SH3BGRL2: variants seen among roughly 807,000 people sequenced by gnomAD.
SH3BGRL2 encodes SH3 domain-binding glutamic acid-rich-like protein 2.
SH3BGRL2 carries 21 observed loss-of-function variants against 14.8 expected under a neutral mutation model. That is an observed-to-expected ratio of 1.42 (90% CI 1.01 to 2.05). The LOEUF is 2.05. Among genes scored for constraint, SH3BGRL2 ranks in the 30% most tolerant of loss-of-function variants. The pLI, the probability that SH3BGRL2 is intolerant of heterozygous loss-of-function variation, is 0.00. For synonymous variants in SH3BGRL2, 50 were observed against 47.8 expected (o/e 1.05, Z -0.19); for missense variants, 147 against 130.8 (o/e 1.12, Z -0.61).
chr6:79,650,339 A>G (rs1365603292), intron 1 of SH3BGRL2, among the ~76,000 whole-genome samples: 1 of 152,162 alleles, frequency 6.6e-6, no homozygotes, highest in Non-Finnish European at 1.5e-5. Flanking sequence ...TCAGTAGCCC[A>G]AGGAGGGAGG....
chr6:79,618,704 A>C, the SH3BGRL2 span, among the ~76,000 whole-genome samples: 4 of 151,836 alleles, frequency 2.6e-5, no homozygotes, highest in Non-Finnish European at 4.4e-5. Context: ...GGATCACTTG[A>C]AGTCAAGAGT....
intron 1 of SH3BGRL2, among the ~76,000 whole-genome samples, chr6:79,651,144 T>C (rs1395080817): frequency 6.6e-6 from 1 of 152,116 alleles, no homozygotes; most frequent in Non-Finnish European, 1.5e-5. Context: ...CTACGCACAT[T>C]GATAAGGACA....
At chr6:79,662,775 A>G (rs1168137488) in intron 1 of SH3BGRL2, among the ~76,000 whole-genome samples, 1 of 152,318 alleles carries the variant, frequency 6.6e-6, no homozygotes, top group East Asian at 1.9e-4. Context: ...CATCACTTTC[A>G]GGTACACCAA....
the SH3BGRL2 span, among the ~76,000 whole-genome samples, chr6:79,593,876 A>G: frequency 6.6e-6 from 1 of 152,178 alleles, no homozygotes; most frequent in South Asian, 2.1e-4. Context: ...ATGACAGCAA[A>G]CAGTGACAAG....
the SH3BGRL2 span, among the ~76,000 whole-genome samples, chr6:79,559,343 G>C: frequency 1.3e-5 from 2 of 152,066 alleles, no homozygotes; most frequent in African/African-American, 4.8e-5. Flanking sequence ...GGTGGTTGGT[G>C]AGACAGGTGG....
the SH3BGRL2 span, among the ~76,000 whole-genome samples, chr6:79,544,553 C>T: frequency 2.6e-5 from 4 of 152,206 alleles, no homozygotes; most frequent in Admixed American, 6.5e-5. Context: ...ATAGCTTCCC[C>T]AGAGCCACTG....
the SH3BGRL2 span, among the ~76,000 whole-genome samples, chr6:79,598,802 G>A: frequency 6.6e-6 from 1 of 150,412 alleles, no homozygotes; most frequent in Non-Finnish European, 1.5e-5. Flanking sequence ...CTCAACCTCG[G>A]CTGGGCGCGG....
At chr6:79,643,164 G>A (rs1769063960) in intron 1 of SH3BGRL2, among the ~76,000 whole-genome samples, 1 of 152,180 alleles carries the variant, frequency 6.6e-6, no homozygotes, top group South Asian at 2.1e-4. Context: ...TCATTTTACA[G>A]ATGAGAGTGT....
chr6:79,641,586 G>A (rs1297198372), intron 1 of SH3BGRL2, among the ~76,000 whole-genome samples: 1 of 152,146 alleles, frequency 6.6e-6, no homozygotes. Flanking sequence ...TTGTGTAAGT[G>A]GGATAGGAAT....
the SH3BGRL2 span, among the ~76,000 whole-genome samples, chr6:79,584,233 G>A: frequency 6.6e-6 from 1 of 152,046 alleles, no homozygotes; most frequent in African/African-American, 2.4e-5. Flanking sequence ...TATTGCTGTA[G>A]AGTAGTCAAA....
At chr6:79,554,706 G>T in the SH3BGRL2 span, among the ~76,000 whole-genome samples, 2 of 152,216 alleles carry the variant, frequency 1.3e-5, no homozygotes, top group Non-Finnish European at 2.9e-5. Context: ...TCAGGGGTCA[G>T]AGACCTGGGT....
Position 79,631,426 on chromosome 6 carries a change from G to C in SH3BGRL2, c.-36G>C. 1 of 1,501,348 alleles carries C rather than the reference G, an allele frequency of 6.7e-7. No individual in the cohort carries two copies. Among genetic ancestry groups the C allele is most frequent in the Non-Finnish European group, 8.9e-7 (1 of 1,123,464 alleles). The allele number at this position is 1,501,348 out of a possible 1,614,324, so 93.0% of individuals were successfully genotyped here. A position where few individuals can be genotyped will look rare whatever the true frequency, so the allele number is the denominator to read the frequency against. Reference sequence around the variant, plus strand: ...CTGCGTCCACGCCAGCCCGGAGCCCGGGGGGCAAGGGGTCTGTCCCGGGCG... The same window carrying C: ...CTGCGTCCACGCCAGCCCGGAGCCCCGGGGGCAAGGGGTCTGTCCCGGGCG... On this transcript the variant is annotated 5_prime_UTR_variant, in exon 1 of 4. Coordinates refer to ENST00000369838, the MANE Select transcript of SH3BGRL2 (RefSeq NM_031469.4).
the SH3BGRL2 span, among the ~76,000 whole-genome samples, chr6:79,553,636 T>G: frequency 6.6e-6 from 1 of 151,344 alleles, no homozygotes; most frequent in East Asian, 1.9e-4. Context: ...TTTTCCTCCT[T>G]TCTGTGAAGT....
chr6:79,678,684 G>A (rs1431509058), intron 2 of SH3BGRL2, among the ~76,000 whole-genome samples: 12 of 152,150 alleles, frequency 7.9e-5, no homozygotes, highest in Admixed American at 7.9e-4. Context: ...GATACAGGGA[G>A]TACATGTGCA....
At chr6:79,574,785 A>C in the SH3BGRL2 span, 1 of 152,208 alleles carries the variant, frequency 6.6e-6, no homozygotes, top group Non-Finnish European at 1.5e-5. Context: ...TTAGGAATTT[A>C]TTCAAAGCAC....
intron 2 of SH3BGRL2, among the ~76,000 whole-genome samples, chr6:79,683,733 C>T (rs533067899): frequency 6.6e-6 from 1 of 152,326 alleles, no homozygotes; most frequent in Non-Finnish European, 1.5e-5. Flanking sequence ...AGGCGTGAGC[C>T]ACCGTGCTCG....
the SH3BGRL2 span, among the ~76,000 whole-genome samples, chr6:79,605,296 A>T: frequency 7.2e-5 from 11 of 152,224 alleles, no homozygotes; most frequent in Non-Finnish European, 1.5e-4. Flanking sequence ...CTAGGGGTGT[A>T]GCCACATGAA....
At chr6:79,631,559 C>T (rs983190211) in intron 1 of SH3BGRL2, 53 bp downstream of exon 1, 4 of 1,316,300 alleles carry the variant, frequency 3.0e-6, no homozygotes, top group Non-Finnish European at 3.9e-6. Context: ...GCGGGTCCTG[C>T]GGGAGGCGCG....
chr6:79,678,301 C>G (rs1477417992), intron 2 of SH3BGRL2, among the ~76,000 whole-genome samples: 8 of 152,122 alleles, frequency 5.3e-5, no homozygotes, highest in Non-Finnish European at 8.8e-5. Flanking sequence ...CCCTTTGCCC[C>G]CTTCCTCAGC....
Sources: gnomAD v4.1 joint callset for allele counts (sites outside exome capture counted in the v4.1 genomes callset) on GRCh38, gnomAD v4.1.1 for gene constraint, MANE v1.5 for transcripts, NCBI Gene and HGNC (gene_info 2026-07-23, HGNC 2026-07-21) for gene names.